GPAT4: variants seen among roughly 807,000 people sequenced by gnomAD.
GPAT4 encodes 1-AGP acyltransferase 6.
Under a neutral mutation model 58.0 loss-of-function variants are expected in GPAT4, and 17 were observed. The ratio of observed to expected loss-of-function variants is 0.29; its 90% CI spans 0.20 to 0.44. The LOEUF is 0.44. Among genes scored for constraint, GPAT4 ranks in the 20% least tolerant of loss-of-function variants. The probability of loss-of-function intolerance (pLI) is 1.00; values close to 1 mark genes in which losing one functional copy is unlikely to be tolerated. For missense variants in GPAT4, 377 were observed against 574.5 expected, an observed-to-expected ratio of 0.66 and a Z score of 3.51; for synonymous variants, 204 against 210.1, an observed-to-expected ratio of 0.97 and a Z score of 0.25.
intron 4 of GPAT4, 22 bp downstream of exon 4, chr8:41,609,977 T>TCC (rs1803394748): frequency 1.9e-6 from 3 of 1,570,818 alleles, no homozygotes; most frequent in Non-Finnish European, 2.6e-6. Flanking sequence ...CCTGCGGGAG[T>TCC]GGGGCTCGCT....
chr8:41,589,534 AT>A (rs1802738200), intron 1 of GPAT4, among the ~76,000 whole-genome samples: 1 of 151,622 alleles, frequency 6.6e-6, no homozygotes, highest in African/African-American at 2.4e-5. Flanking sequence ...GGTTTTTCAA[AT>A]CTTCTTTGTT....
intron 1 of GPAT4, among the ~76,000 whole-genome samples, chr8:41,583,377 C>G (rs1323558117): frequency 6.6e-6 from 1 of 151,706 alleles, no homozygotes; most frequent in Non-Finnish European, 1.5e-5. Context: ...CTGCTGGTAT[C>G]TATTATATTC....
chr8:41,589,361 G>A (rs1802732360), intron 1 of GPAT4, among the ~76,000 whole-genome samples: 1 of 43,878 alleles, frequency 2.3e-5, no homozygotes, highest in Non-Finnish European at 4.8e-5. Flanking sequence ...GGGGTGTGGC[G>A]GGATGGGATG....
intron 2 of GPAT4, among the ~76,000 whole-genome samples, chr8:41,608,765 A>G (rs1332700848): frequency 1.3e-5 from 2 of 152,158 alleles, no homozygotes; most frequent in East Asian, 1.9e-4. Context: ...GAGACTTGGA[A>G]TGGGTTGCTT....
intron 1 of GPAT4, among the ~76,000 whole-genome samples, chr8:41,589,858 T>C (rs1802745444): frequency 6.6e-6 from 1 of 152,200 alleles, no homozygotes; most frequent in Non-Finnish European, 1.5e-5. Context: ...CTCTTTCCCA[T>C]GGCAGTGCTG....
chr8:41,596,130 G>C (rs1189776934), intron 1 of GPAT4, among the ~76,000 whole-genome samples: 2 of 152,092 alleles, frequency 1.3e-5, no homozygotes, highest in African/African-American at 4.8e-5. Context: ...AAGTTTTCCT[G>C]GTATCATAGT....
At chr8:41,586,284 G>A (rs565727651) in intron 1 of GPAT4, among the ~76,000 whole-genome samples, 68 of 152,278 alleles carry the variant, frequency 4.5e-4, no homozygotes, top group Non-Finnish European at 8.2e-4. Context: ...CCATTGTATG[G>A]ATACACCACA....
At position 41,606,987 on chromosome 8, in the gene GPAT4, C is replaced by G. The variant is rs191145418; in HGVS notation, c.166-2429C>G. The stretch of plus-strand genomic sequence containing the variant: ...TTCCTCCTACAAAAGACAGTTTCTC[C>G]GTTATTCTTGCATTTCCAGTCCTTC... On this transcript the variant is annotated intron_variant, in intron 2 of 12. Coordinates refer to ENST00000396987, the MANE Select transcript of GPAT4 (RefSeq NM_178819.4). Among the ~76,000 whole-genome samples the G allele has an allele frequency of 3.9e-5, 6 of 152,314 alleles. No homozygotes were observed. In the South Asian group the frequency reaches 6.2e-4, roughly 16 times the overall value.
intron 1 of GPAT4, among the ~76,000 whole-genome samples, chr8:41,582,048 G>A (rs573084863): frequency 2.6e-5 from 3 of 115,930 alleles, no homozygotes; most frequent in East Asian, 2.7e-4. Flanking sequence ...TTCCTCTGTC[G>A]CCCAGGCCTG....
intron 2 of GPAT4, 110 bp from the exon 3 acceptor site, chr8:41,609,306 C>T (rs1448802228): frequency 1.5e-5 from 17 of 1,132,740 alleles, no homozygotes; most frequent in Middle Eastern, 1.9e-4. Flanking sequence ...TTCTTGGCTA[C>T]GGTCTTAGGT....
At position 41,619,187 on chromosome 8, in the gene GPAT4, T is replaced by C. The variant is rs1803681762; in HGVS notation, c.1262+210T>C. On this transcript the variant is annotated intron_variant, in intron 12 of 12. Coordinates refer to ENST00000396987, the MANE Select transcript of GPAT4 (RefSeq NM_178819.4). ...ATCAGGGATGCCTGGACTGAGGCAG[T>C]TGATTCTGTGTACCTTTCTGGGGTT... The C allele has an allele frequency of 4.9e-6, 3 of 616,664 alleles. No homozygotes were observed. In the East Asian group the frequency reaches 8.4e-5, roughly 17 times the overall value. The allele number at this position is 616,664 out of a possible 1,614,324, so 38.2% of individuals were successfully genotyped here.
Position 41,598,960 on chromosome 8 carries a change from C to G in GPAT4, c.-180C>G. On this transcript the variant is annotated 5_prime_UTR_variant, in exon 2 of 13. Transcript: ENST00000396987. ...AGTTGCCTCCTGTGGCCGTGTTTTT[C>G]TGTCATTCTGTTCCCAGGCCTTCTA... The G allele has an allele frequency of 2.1e-5, 16 of 753,906 alleles. No individual in the cohort carries two copies. Among genetic ancestry groups the G allele is most frequent in the East Asian group, 5.7e-5 (2 of 35,096 alleles). 46.7% of individuals were successfully genotyped at this position (753,906 alleles called of 1,614,324 possible). A position where few individuals can be genotyped will look rare whatever the true frequency, so the allele number is the denominator to read the frequency against.
intron 1 of GPAT4, among the ~76,000 whole-genome samples, chr8:41,581,691 C>A (rs1485416230): frequency 6.8e-6 from 1 of 146,218 alleles, no homozygotes; most frequent in Non-Finnish European, 1.5e-5. Flanking sequence ...TGCAGTGGCG[C>A]AATCTCGGCT....
In GPAT4 at chr8:41,598,885, G is replaced by A. The variant is rs1803006777; in HGVS notation, c.-255G>A. 10 of 456,308 alleles carry A rather than the reference G, an allele frequency of 2.2e-5. No homozygotes were observed. The highest frequency in any genetic ancestry group is 3.8e-5 in the Non-Finnish European group (10 of 262,066). The allele number at this position is 456,308 out of a possible 1,614,324, so 28.3% of individuals were successfully genotyped here. The stretch of plus-strand genomic sequence containing the variant: ...GATGCTTTTACTGAAGACCCATCTA[G>A]CTTCAATCATCTTTAGAGTCCATCC... On this transcript the variant is annotated 5_prime_UTR_variant, in exon 2 of 13. Transcript: ENST00000396987.
At chr8:41,581,171 T>C (rs563161827) in intron 1 of GPAT4, among the ~76,000 whole-genome samples, 14 of 152,354 alleles carry the variant, frequency 9.2e-5, no homozygotes, top group Non-Finnish European at 1.8e-4. Flanking sequence ...GCGTACACTA[T>C]GATTAAGGCT....
chr8:41,597,850 T>C (rs962760457), intron 1 of GPAT4, among the ~76,000 whole-genome samples: 18 of 152,188 alleles, frequency 1.2e-4, no homozygotes, highest in African/African-American at 4.3e-4. Flanking sequence ...CTGGGGGCCA[T>C]TGGTGACGGA....
Position 41,610,758 on chromosome 8 carries a change from A to G in GPAT4, c.559A>G (p.Ile187Val). The G allele has an allele frequency of 6.2e-7, 1 of 1,612,068 alleles. No homozygotes were observed. ...PLRIALAFTG[I>V]SLLVVGTTVV... ...CAGGATAGCACTGGCTTTCACAGGG[A>G]TTAGCCTTCTGGTGGTGGGCACAAC... Residue 187 changes from isoleucine (I) to valine (V), a missense_variant, in exon 5 of 13, where the codon ATT (isoleucine) becomes GTT (valine). By Grantham distance (29) the Ile-to-Val change is conservative. Transcript: ENST00000396987.
intron 8 of GPAT4, 86 bp downstream of exon 8, chr8:41,613,046 C>A: frequency 9.0e-7 from 1 of 1,107,446 alleles, no homozygotes; most frequent in Non-Finnish European, 1.3e-6. Context: ...AGTGCAGTTA[C>A]GTGCCTTCTA....
chr8:41,606,161 A>G (rs1050762052), intron 2 of GPAT4, among the ~76,000 whole-genome samples: 1 of 152,216 alleles, frequency 6.6e-6, no homozygotes, highest in African/African-American at 2.4e-5. Context: ...ATTCCAGCAC[A>G]TTGAACCTGA....
Sources: allele counts gnomAD v4.1 joint callset (sites outside exome capture counted in the v4.1 genomes callset), GRCh38; gene constraint gnomAD v4.1.1; transcripts MANE v1.5; gene names NCBI Gene and HGNC (gene_info 2026-07-23, HGNC 2026-07-21).